Variants in CANX observed in about 807,000 individuals in gnomAD.
CANX encodes the protein calnexin.
Under a neutral mutation model 75.7 loss-of-function variants are expected in CANX, and 14 were observed. The ratio of observed to expected loss-of-function variants is 0.19; its 90% confidence interval spans 0.12 to 0.29. The LOEUF (loss-of-function observed/expected upper bound fraction) is 0.29, where lower values mean the gene tolerates loss of function less well. CANX is among the 10% of genes least tolerant of loss of function. CANX has a pLI of 1.00. For synonymous variants in CANX, 227 were observed against 236.9 expected (o/e 0.96, Z 0.38); for missense variants, 567 against 713.2 (o/e 0.79, Z 2.34).
rs975287020 is a variant in CANX, at chr5:179,728,851, TAGAAA to T, written c.*214_*218del. The T allele has an allele frequency of 1.1e-5, 7 of 655,718 alleles. No homozygotes were observed. Among genetic ancestry groups the T allele is most frequent in the East Asian group, 3.0e-5 (1 of 33,784 alleles). 40.6% of individuals were successfully genotyped at this position (655,718 alleles called of 1,614,324 possible). ...TGTGATATAAAGGACCCTGTTTCTG[TAGAAA>T]AGAAAACATTTAACATAATGGTTGT... On this transcript the variant is annotated 3_prime_UTR_variant, in exon 15 of 15. Coordinates refer to ENST00000247461, the MANE Select transcript of CANX (RefSeq NM_001746.4).
intron 10 of CANX, among the ~76,000 whole-genome samples, chr5:179,721,391 A>G (rs1251401319): frequency 6.6e-6 from 1 of 152,234 alleles, no homozygotes; most frequent in Non-Finnish European, 1.5e-5. Flanking sequence ...TGCCCAGCCA[A>G]GAATAACTTT....
intron 1 of CANX, among the ~76,000 whole-genome samples, chr5:179,679,711 T>G (rs1776005003): frequency 6.6e-6 from 1 of 151,896 alleles, no homozygotes; most frequent in South Asian, 2.1e-4. Flanking sequence ...CGAGCTGGAG[T>G]GCAATTGCGC....
intron 1 of CANX, chr5:179,679,233 T>A: frequency 6.5e-7 from 1 of 1,531,470 alleles, no homozygotes; most frequent in Non-Finnish European, 8.7e-7. Context: ...AGCCCGGATG[T>A]CCAGAATGAT....
intron 3 of CANX, 21 bp from the exon 4 acceptor site, chr5:179,707,111 T>A (rs745575939): frequency 1.3e-6 from 2 of 1,491,382 alleles, no homozygotes; most frequent in Admixed American, 3.3e-5. Flanking sequence ...TAAGACTGAT[T>A]TTGGGATTTG....
At chr5:179,708,207 A>T (rs1042628851) in intron 4 of CANX, 32 bp from the exon 5 acceptor site, 2 of 1,603,818 alleles carry the variant, frequency 1.2e-6, no homozygotes, top group Non-Finnish European at 1.7e-6. Flanking sequence ...AGGTAGAGTT[A>T]AGCAGTGGAA....
chr5:179,695,026 CT>C (rs1316179673), upstream of CANX, among the ~76,000 whole-genome samples: 7 of 152,064 alleles, frequency 4.6e-5, no homozygotes, highest in East Asian at 1.4e-3. Context: ...AAATTTATTC[CT>C]TTTTTAAGTT....
intron 8 of CANX, among the ~76,000 whole-genome samples, chr5:179,718,583 T>C (rs544320477): frequency 5.0e-4 from 76 of 150,828 alleles, no homozygotes; most frequent in African/African-American, 1.8e-3. Context: ...GGCTGGAGTG[T>C]AGTGGCGTGA....
intron 9 of CANX, 95 bp from the exon 10 acceptor site, chr5:179,720,309 C>A: frequency 2.4e-6 from 2 of 839,940 alleles, no homozygotes; most frequent in Non-Finnish European, 1.9e-6. Context: ...ACTGTGAAAA[C>A]ATTTCAGCAG....
upstream of CANX, among the ~76,000 whole-genome samples, chr5:179,697,317 G>C (rs1776430415): frequency 6.6e-6 from 1 of 152,112 alleles, no homozygotes; most frequent in Non-Finnish European, 1.5e-5. Flanking sequence ...ACCTGCATCA[G>C]CTTCCCAAAG....
chr5:179,712,841 A>G (rs1258542220), intron 7 of CANX, among the ~76,000 whole-genome samples: 3 of 149,938 alleles, frequency 2.0e-5, no homozygotes, highest in South Asian at 4.2e-4. Context: ...CTCTTGCCAC[A>G]GCCTCCTGAG....
At chr5:179,721,820 A>T (rs2113253508) in intron 10 of CANX, among the ~76,000 whole-genome samples, 1 of 152,268 alleles carries the variant, frequency 6.6e-6, no homozygotes, top group African/African-American at 2.4e-5. Context: ...AAATACTAAT[A>T]TATGTATATA....
At chr5:179,688,387 G>A (rs1167525584) in intron 1 of CANX, among the ~76,000 whole-genome samples, 5 of 101,826 alleles carry the variant, frequency 4.9e-5, no homozygotes, top group South Asian at 3.3e-4. Flanking sequence ...TTTTTGAGAC[G>A]GAGTCTCACT....
At chr5:179,698,965 G>C, upstream of CANX, 1 of 1,122,680 alleles carries the variant, frequency 8.9e-7, no homozygotes, top group Non-Finnish European at 1.1e-6. Flanking sequence ...CGCTCGCGCG[G>C]CAGCGGTGGC....
intron 1 of CANX, chr5:179,700,092 A>G (rs1173114805): frequency 6.6e-6 from 1 of 152,188 alleles, no homozygotes; most frequent in Non-Finnish European, 1.5e-5. Context: ...GGACCAATAC[A>G]CTGCCATCCT....
intron 1 of CANX, among the ~76,000 whole-genome samples, chr5:179,685,561 T>TC (rs1776176300): frequency 7.6e-6 from 1 of 131,874 alleles, no homozygotes; most frequent in African/African-American, 2.9e-5. Context: ...TTTTTTTTTT[T>TC]TTTTTTTTTT....
intron 1 of CANX, among the ~76,000 whole-genome samples, chr5:179,682,783 A>G (rs1410457549): frequency 6.6e-6 from 1 of 151,224 alleles, no homozygotes; most frequent in Non-Finnish European, 1.5e-5. Flanking sequence ...ACAGAAAGTG[A>G]TTTTGGGACA....
intron 1 of CANX, among the ~76,000 whole-genome samples, chr5:179,683,102 G>A (rs1776111120): frequency 6.6e-6 from 1 of 152,318 alleles, no homozygotes; most frequent in South Asian, 2.1e-4. Flanking sequence ...TTTTATTGAG[G>A]TATAAGTGAC....
chr5:179,694,516 A>G, upstream of CANX: 1 of 764,218 alleles, frequency 1.3e-6, no homozygotes, highest in East Asian at 2.4e-5. Flanking sequence ...CCCAAGATCA[A>G]ATCCACAAAC....
rs114481403 is a variant in CANX, at chr5:179,719,625, G to A, written c.912-43G>A. On this transcript the variant is annotated intron_variant, in intron 8 of 14. Transcript: ENST00000247461. ...CTGATCCACAAAGTGGTACTATACT[G>A]TGACCAGTGTTGTCATAACTGGCTT... is the stretch of plus-strand genomic sequence containing the variant. 1.4e-3 allele frequency: 1,566 copies of A among 1,097,794 alleles called. 14 individuals are homozygous for A. In the African/African-American group the frequency reaches 0.021, roughly 15 times the overall value. The allele number at this position is 1,097,794 out of a possible 1,614,324, so 68.0% of individuals were successfully genotyped here. A position where few individuals can be genotyped will look rare whatever the true frequency, so the allele number is the denominator to read the frequency against.
Sources: gnomAD v4.1 joint callset for allele counts (sites outside exome capture counted in the v4.1 genomes callset) on GRCh38, gnomAD v4.1.1 for gene constraint, MANE v1.5 for transcripts, NCBI Gene and HGNC (gene_info 2026-07-23, HGNC 2026-07-21) for gene names.